The following VWA3A variants were observed in gnomAD, a reference collection of about 807,000 sequenced individuals.
VWA3A encodes von Willebrand factor A domain containing 3A.
VWA3A carries 134 observed loss-of-function variants against 160.4 expected under a neutral mutation model. The ratio of observed to expected loss-of-function variants is 0.84; its 90% CI spans 0.73 to 0.96. VWA3A has a LOEUF of 0.96. VWA3A is among the 40% of genes least tolerant of loss of function. The pLI is 0.00. For synonymous variants in VWA3A, 476 were observed against 543.4 expected (o/e 0.88, Z 1.72); for missense variants, 1,310 against 1,447.9 (o/e 0.90, Z 1.55).
intron 1 of VWA3A, among the ~76,000 whole-genome samples, chr16:22,096,202 G>A (rs1335940305): frequency 1.3e-5 from 2 of 152,166 alleles, no homozygotes; most frequent in Non-Finnish European, 2.9e-5. Flanking sequence ...TCAAAGTGTT[G>A]AAGTTGAGAA....
intron 23 of VWA3A, among the ~76,000 whole-genome samples, chr16:22,140,767 C>T (rs763951016): frequency 3.9e-5 from 6 of 152,096 alleles, no homozygotes; most frequent in Middle Eastern, 3.4e-3. Flanking sequence ...TGTGCCACCA[C>T]GCCTGGCTAA....
intron 11 of VWA3A, among the ~76,000 whole-genome samples, chr16:22,118,397 C>G (rs560261213): frequency 6.6e-6 from 1 of 152,212 alleles, no homozygotes; most frequent in African/African-American, 2.4e-5. Flanking sequence ...TAAAACACAG[C>G]AGGTCAGGAT....
At chr16:22,152,785 C>T (rs954226609) in intron 31 of VWA3A, among the ~76,000 whole-genome samples, 151 bp downstream of exon 31, 2 of 152,158 alleles carry the variant, frequency 1.3e-5, no homozygotes, top group African/African-American at 2.4e-5. Flanking sequence ...TGAGCCACCA[C>T]GCCCATCCTG....
At chr16:22,103,225 G>A (rs1222627119) in intron 5 of VWA3A, among the ~76,000 whole-genome samples, 5 of 151,964 alleles carry the variant, frequency 3.3e-5, no homozygotes, top group Non-Finnish European at 7.4e-5. Context: ...GTAGAGACAG[G>A]GTTTCACTAG....
chr16:22,138,589 G>A, intron 22 of VWA3A, 77 bp downstream of exon 22: 1 of 1,574,252 alleles, frequency 6.4e-7, no homozygotes, highest in Non-Finnish European at 8.6e-7. Context: ...GTCTTAAAAT[G>A]GCTGGGGCCA....
Position 22,134,444 on chromosome 16 carries a change from C to T in VWA3A, c.2139+6C>T. On this transcript the variant is annotated splice_donor_region_variant and intron_variant, in intron 21 of 33. Coordinates refer to ENST00000389398, the MANE Select transcript of VWA3A (RefSeq NM_173615.5). ...CTCTCAACTACTCCCAAAAGGTATG[C>T]CCTGGGCATGGGCCAATGACTGCAC... is the stretch of plus-strand genomic sequence containing the variant. 1.3e-6 allele frequency: 2 copies of T among 1,584,130 alleles called. No homozygotes were observed. The highest frequency in any genetic ancestry group is 1.2e-5 in the South Asian group (1 of 86,412).
chr16:22,103,337 G>T lies in VWA3A; in HGVS notation c.429-138G>T, dbSNP rs1157553858. The T allele has an allele frequency of 3.9e-6, 3 of 760,182 alleles. No homozygotes were observed. In the East Asian group the frequency reaches 8.2e-5, roughly 21 times the overall value. 47.1% of individuals were successfully genotyped at this position (760,182 alleles called of 1,614,324 possible). On this transcript the variant is annotated intron_variant, in intron 5 of 33. Coordinates refer to ENST00000389398, the MANE Select transcript of VWA3A (RefSeq NM_173615.5). ...GCGTGCACTACAGTGCACCTAAAAGGTTCACCACCTTCTTCCAAGAACCTA... is the reference window on the plus strand; with the variant it reads ...GCGTGCACTACAGTGCACCTAAAAGTTTCACCACCTTCTTCCAAGAACCTA...
At chr16:22,144,507 T>C in intron 26 of VWA3A, 123 bp downstream of exon 26, 2 of 1,379,218 alleles carry the variant, frequency 1.5e-6, no homozygotes, top group South Asian at 3.2e-5. Flanking sequence ...CTCCCCAAAG[T>C]GGGACTCCCC....
intron 8 of VWA3A, among the ~76,000 whole-genome samples, chr16:22,111,568 A>G (rs1223378857): frequency 6.6e-6 from 1 of 151,764 alleles, no homozygotes; most frequent in Non-Finnish European, 1.5e-5. Flanking sequence ...TGCAACCTCC[A>G]CCCCACGGGT....
Position 22,140,863 on chromosome 16 carries a change from C to T in VWA3A, c.2383+619C>T, listed in dbSNP as rs555500137. ...CTGAGCTCAGGCAATTCATCTGCCTCGGCCTCCCAAAGTGCTGAGATTACA... is the reference window on the plus strand; with the variant it reads ...CTGAGCTCAGGCAATTCATCTGCCTTGGCCTCCCAAAGTGCTGAGATTACA... On this transcript the variant is annotated intron_variant, in intron 23 of 33. Coordinates refer to ENST00000389398, the MANE Select transcript of VWA3A (RefSeq NM_173615.5). Among the ~76,000 whole-genome samples, 100 of 152,196 alleles carry T rather than the reference C, an allele frequency of 6.6e-4. 1 individual carries two copies. Among genetic ancestry groups the T allele is most frequent in the South Asian group, 5.6e-3 (27 of 4,812 alleles).
Position 22,123,143 on chromosome 16 carries a change from C to T in VWA3A, c.1415C>T (p.Pro472Leu). The T allele has an allele frequency of 6.2e-7, 1 of 1,604,766 alleles. No homozygotes were observed. Among genetic ancestry groups the T allele is most frequent in the Middle Eastern group, 1.7e-4 (1 of 6,050 alleles). ...DGTVKNIHVD[P>L]PFLYKYQQQL... Reference sequence around the variant, plus strand: ...ACAGTGAAGAACATTCATGTGGACCCACCCTTCCTCTATAAGTACCAGGTC... The same window carrying T: ...ACAGTGAAGAACATTCATGTGGACCTACCCTTCCTCTATAAGTACCAGGTC... The change falls in exon 15 of 34, where the codon CCA (proline) becomes CTA (leucine). Residue 472 changes from proline (P) to leucine (L), a missense_variant. By Grantham distance (98) the Pro-to-Leu change is moderately conservative. Coordinates refer to ENST00000389398, the MANE Select transcript of VWA3A (RefSeq NM_173615.5).
intron 9 of VWA3A, 139 bp downstream of exon 9, chr16:22,115,611 T>C: frequency 3.1e-6 from 3 of 972,880 alleles, no homozygotes; most frequent in Non-Finnish European, 4.3e-6. Context: ...ACAGGAGGAT[T>C]GCTCGAAGCC....
intron 6 of VWA3A, among the ~76,000 whole-genome samples, chr16:22,103,978 G>A (rs376435577): frequency 6.6e-6 from 1 of 152,130 alleles, no homozygotes; most frequent in Non-Finnish European, 1.5e-5. Context: ...ATAAAAGACA[G>A]GGGGGAAGGG....
rs1338783008 is a variant in VWA3A at position 22,126,188 on chromosome 16, C to T, written c.1543C>T (p.Leu515=). 2 of 1,613,828 alleles carry T rather than the reference C, an allele frequency of 1.2e-6. No homozygotes were observed. Among genetic ancestry groups the T allele is most frequent in the Admixed American group, 3.3e-5 (2 of 59,984 alleles). ...CGTGTTTCCTTTTAGGGTGGTTGTA[C>T]TGCTCGATATCTCTGCGACCAATTC... is the stretch of plus-strand genomic sequence containing the variant. ...GTVCEKRVVV[L]LDISATNSMY... Residue 515 remains leucine (L), a synonymous_variant, in exon 17 of 34, where the codon CTG becomes TTG. Coordinates refer to ENST00000389398, the MANE Select transcript of VWA3A (RefSeq NM_173615.5).
chr16:22,148,150 G>C lies in VWA3A; in HGVS notation c.2840-12G>C. ...CTCCCTCCCTGCCTCTTCCCCACCT[G>C]TCTCGGAGCAGGGAGCCGCCGACTG... On this transcript the variant is annotated splice_polypyrimidine_tract_variant and intron_variant, in intron 27 of 33. Transcript: ENST00000389398. 1 of 1,591,824 alleles carries C rather than the reference G, an allele frequency of 6.3e-7. No individual in the cohort carries two copies. Among genetic ancestry groups the C allele is most frequent in the African/African-American group, 1.3e-5 (1 of 74,578 alleles).
intron 16 of VWA3A, among the ~76,000 whole-genome samples, chr16:22,123,984 G>A (rs2141924765): frequency 6.6e-6 from 1 of 152,038 alleles, no homozygotes; most frequent in Non-Finnish European, 1.5e-5. Context: ...AGACCAGACT[G>A]GGCAACATAG....
At chr16:22,123,217 G>A (rs961104044) in intron 15 of VWA3A, 52 bp downstream of exon 15, 29 of 1,509,478 alleles carry the variant, frequency 1.9e-5, no homozygotes, top group Non-Finnish European at 2.4e-5. Context: ...AGTGGGGACG[G>A]GAGGAAGGTT....
At chr16:22,125,340 C>T (rs1043626388) in intron 16 of VWA3A, among the ~76,000 whole-genome samples, 8 of 151,854 alleles carry the variant, frequency 5.3e-5, no homozygotes, top group Non-Finnish European at 7.4e-5. Flanking sequence ...GAGCCACGAT[C>T]GCACCATTGC....
rs191488230 is a variant in VWA3A at position 22,148,230 on chromosome 16, A to G, written c.2908A>G (p.Met970Val). ...VCILLDTSGS[M>V]GPYLQQVKTE... ...CATATTGCTGGACACGTCAGGGTCCATGGGCCCCTACCTGCAGCAGGTGAA... is the reference window on the plus strand; with the variant it reads ...CATATTGCTGGACACGTCAGGGTCCGTGGGCCCCTACCTGCAGCAGGTGAA... The change falls in exon 28 of 34, where the codon ATG becomes GTG. Residue 970 changes from methionine to valine, a missense_variant. Met to Val is a conservative substitution (Grantham distance 21, BLOSUM62 1). Transcript: ENST00000389398. The G allele has an allele frequency of 1.7e-3, 2,664 of 1,600,482 alleles. 7 individuals carry two copies. Among genetic ancestry groups the G allele is most frequent in the Middle Eastern group, 4.1e-3 (25 of 6,042 alleles).
Sources: gnomAD v4.1 joint callset for allele counts (sites outside exome capture counted in the v4.1 genomes callset) on GRCh38, gnomAD v4.1.1 for gene constraint, MANE v1.5 for transcripts, NCBI Gene and HGNC (gene_info 2026-07-23, HGNC 2026-07-21) for gene names.